PDGFD: variants seen among roughly 807,000 people sequenced by gnomAD.
PDGFD encodes platelet-derived growth factor D.
In PDGFD, 30 loss-of-function variants were observed where a neutral mutation model predicts 44.7. That is an observed-to-expected ratio of 0.67 (90% CI 0.50 to 0.91). The LOEUF (loss-of-function observed/expected upper bound fraction) is 0.91, where lower values mean the gene tolerates loss of function less well. Among genes scored for constraint, PDGFD ranks in the 40% least tolerant of loss-of-function variants. The pLI is 0.00. For missense variants in PDGFD, 445 were observed against 457.8 expected, an observed-to-expected ratio of 0.97 and a Z score of 0.25; for synonymous variants, 173 against 168.4, an observed-to-expected ratio of 1.03 and a Z score of -0.21.
At chr11:104,008,420 T>A (rs975172193) in intron 1 of PDGFD, among the ~76,000 whole-genome samples, 1 of 152,174 alleles carries the variant, frequency 6.6e-6, no homozygotes. Context: ...TATAGTTGTA[T>A]GCCATCATCT....
chr11:103,956,012 G>A (rs1858839511), intron 3 of PDGFD, among the ~76,000 whole-genome samples: 1 of 151,116 alleles, frequency 6.6e-6, no homozygotes, highest in Non-Finnish European at 1.5e-5. Context: ...TATGAGAAAA[G>A]GAAATTTTTA....
chr11:104,044,544 A>G (rs1860408836), intron 1 of PDGFD, among the ~76,000 whole-genome samples: 1 of 152,254 alleles, frequency 6.6e-6, no homozygotes, highest in African/African-American at 2.4e-5. Context: ...GAATATTTTC[A>G]ATAATTAGAA....
In PDGFD at chr11:103,909,561, C is replaced by T. The variant is rs1261494939; in HGVS notation, c.*133G>A. ...TGGCATTAACAAAGCAAGGCTGAGA[C>T]TCAGCAACCACTTGTGTTCATTGCA... On this transcript the variant is annotated 3_prime_UTR_variant, in exon 7 of 7. Transcript: ENST00000393158. 3.4e-6 allele frequency: 4 copies of T among 1,181,366 alleles called. No homozygotes were observed. The highest frequency in any genetic ancestry group is 4.7e-5 in the East Asian group (2 of 42,448). 73.2% of individuals were successfully genotyped at this position (1,181,366 alleles called of 1,614,324 possible). A position where few individuals can be genotyped will look rare whatever the true frequency, so the allele number is the denominator to read the frequency against.
chr11:104,009,429 C>T lies in PDGFD; in HGVS notation c.125-9174G>A, dbSNP rs1380040872. The stretch of plus-strand genomic sequence containing the variant: ...AAATCAGTCCTGTGTCTTGCAAATG[C>T]ATTATTATTATTATTATTATTATTA... On this transcript the variant is annotated intron_variant, in intron 1 of 6. Transcript: ENST00000393158. Among the ~76,000 whole-genome samples the T allele has an allele frequency of 1.8e-4, 27 of 148,820 alleles. No homozygotes were observed. In the South Asian group the frequency reaches 4.0e-3, roughly 22 times the overall value.
intron 1 of PDGFD, among the ~76,000 whole-genome samples, chr11:104,031,659 A>G (rs1294952541): frequency 1.3e-5 from 2 of 152,186 alleles, no homozygotes; most frequent in Admixed American, 6.5e-5. Context: ...GCCCCAAGAA[A>G]TGTAAATCAT....
chr11:104,158,241 A>G (rs1433214285), intron 1 of PDGFD, among the ~76,000 whole-genome samples: 3 of 152,258 alleles, frequency 2.0e-5, no homozygotes, highest in Non-Finnish European at 4.4e-5. Flanking sequence ...GTGAAGAAGA[A>G]GTGTGATAAT....
rs116860709 is a variant in PDGFD at position 103,986,266 on chromosome 11, G to T, written c.510+9799C>A. On this transcript the variant is annotated intron_variant, in intron 3 of 6. Coordinates refer to ENST00000393158, the MANE Select transcript of PDGFD (RefSeq NM_025208.5). ...CATGGGATCTTTAACTTCCCAGTTA[G>T]AATGGCTGAATCTTACAGCAAATAG... is the stretch of plus-strand genomic sequence containing the variant. Among the ~76,000 whole-genome samples the T allele has an allele frequency of 4.6e-3, 708 of 152,264 alleles. 49 individuals are homozygous for T. The East Asian group carries it at 0.11, about 24-fold the overall frequency.
In PDGFD at chr11:104,007,786, G is replaced by A. The variant is rs150521818; in HGVS notation, c.125-7531C>T. 4.5e-3 allele frequency among the ~76,000 whole-genome samples: 688 copies of A among 152,334 alleles called. 5 individuals carry two copies. Among genetic ancestry groups the A allele is most frequent in the African/African-American group, 0.016 (648 of 41,578 alleles). On this transcript the variant is annotated intron_variant, in intron 1 of 6. Transcript: ENST00000393158. ...AGCAGTAATGTTTGCCCAGAATGTA[G>A]TTGAATGATATGTAAACTATATAGT...
At chr11:103,985,657 A>T (rs2134355164) in intron 3 of PDGFD, among the ~76,000 whole-genome samples, 1 of 152,150 alleles carries the variant, frequency 6.6e-6, no homozygotes, top group East Asian at 1.9e-4. Flanking sequence ...GTTTGTCTGG[A>T]CTAAAGAATA....
Position 103,943,581 on chromosome 11 carries a change from C to A in PDGFD, c.643G>T (p.Ala215Ser). 1.9e-6 allele frequency: 3 copies of A among 1,613,292 alleles called. No individual in the cohort carries two copies. The highest frequency in any genetic ancestry group is 2.5e-6 in the Non-Finnish European group (3 of 1,179,570). The change falls in exon 5 of 7, where the codon GCA (alanine) becomes TCA (serine). Residue 215 changes from alanine to serine, a missense_variant. Coordinates refer to ENST00000393158, the MANE Select transcript of PDGFD (RefSeq NM_025208.5). The part of the protein sequence containing the change: ...LIADALDKKI[A>S]EFDTVEDLLK... Reference sequence around the variant, plus strand: ...AGATCTTCCACTGTATCAAATTCTGCAATTTTTTTGTCCAGAGCATCCGCA... The same window carrying A: ...AGATCTTCCACTGTATCAAATTCTGAAATTTTTTTGTCCAGAGCATCCGCA...
intron 3 of PDGFD, among the ~76,000 whole-genome samples, chr11:103,949,573 A>G (rs1858717488): frequency 6.6e-6 from 1 of 152,222 alleles, no homozygotes; most frequent in East Asian, 1.9e-4. Context: ...GACAGGAGCA[A>G]TCCTCACATT....
intron 1 of PDGFD, among the ~76,000 whole-genome samples, chr11:104,025,058 T>TA (rs1374860850): frequency 6.6e-6 from 1 of 152,208 alleles, no homozygotes; most frequent in Non-Finnish European, 1.5e-5. Context: ...TGCACAGAAC[T>TA]AAAAGTGTCA....
At chr11:103,938,498 G>C (rs1334143663) in intron 5 of PDGFD, among the ~76,000 whole-genome samples, 1 of 152,088 alleles carries the variant, frequency 6.6e-6, no homozygotes, top group Non-Finnish European at 1.5e-5. Flanking sequence ...CTCCCATTCT[G>C]TAAGTTGCCT....
intron 1 of PDGFD, among the ~76,000 whole-genome samples, chr11:104,005,345 G>C (rs1859684800): frequency 6.6e-6 from 1 of 152,158 alleles, no homozygotes; most frequent in Non-Finnish European, 1.5e-5. Context: ...TTCCTTCTTA[G>C]TCTGAAATCT....
At chr11:103,984,173 T>A (rs553273214) in intron 3 of PDGFD, among the ~76,000 whole-genome samples, 1 of 151,878 alleles carries the variant, frequency 6.6e-6, no homozygotes, top group East Asian at 1.9e-4. Context: ...TGGTCATCAA[T>A]GTTAGATTGG....
intron 1 of PDGFD, among the ~76,000 whole-genome samples, chr11:104,087,221 GTCTTGC>G (rs1861144910): frequency 7.1e-6 from 1 of 140,212 alleles, no homozygotes; most frequent in East Asian, 2.0e-4. Flanking sequence ...TTGAGACAGA[GTCTTGC>G]TCTTGTCAAC....
intron 3 of PDGFD, among the ~76,000 whole-genome samples, chr11:103,986,856 G>A (rs1295915504): frequency 6.6e-6 from 1 of 152,132 alleles, no homozygotes; most frequent in Non-Finnish European, 1.5e-5. Context: ...TGCTCCTCGG[G>A]ATAACATCAC....
At chr11:104,017,584 C>T (rs917639987) in intron 1 of PDGFD, among the ~76,000 whole-genome samples, 2 of 152,194 alleles carry the variant, frequency 1.3e-5, no homozygotes, top group African/African-American at 4.8e-5. Flanking sequence ...TAGTAATCCT[C>T]ATAAATTCCA....
At chr11:104,008,532 A>T (rs1859737126) in intron 1 of PDGFD, among the ~76,000 whole-genome samples, 1 of 152,190 alleles carries the variant, frequency 6.6e-6, no homozygotes, top group Non-Finnish European at 1.5e-5. Flanking sequence ...CACTTAGCAC[A>T]CTAATTTGTG....
Sources: gnomAD v4.1 joint callset for allele counts (sites outside exome capture counted in the v4.1 genomes callset) on GRCh38, gnomAD v4.1.1 for gene constraint, MANE v1.5 for transcripts, NCBI Gene and HGNC (gene_info 2026-07-23, HGNC 2026-07-21) for gene names.